The following DCDC1 variants were observed in gnomAD, a reference collection of about 807,000 sequenced individuals.
DCDC1 encodes the protein doublecortin domain containing 1.
A neutral mutation model predicts 178.3 loss-of-function variants in DCDC1; 200 were observed. That is an observed-to-expected ratio of 1.12 (90% CI 1.00 to 1.26). The LOEUF is 1.26. DCDC1 is among the 50% of genes most tolerant of loss of function. The probability of loss-of-function intolerance (pLI) is 0.00; values close to 1 mark genes in which losing one functional copy is unlikely to be tolerated. For missense variants in DCDC1, 1,983 were observed against 1,749.2 expected (o/e 1.13, Z -2.38); for synonymous variants, 690 against 604.8 (o/e 1.14, Z -2.07).
At chr11:31,182,927 C>CAA (rs570109597) in intron 9 of DCDC1, among the ~76,000 whole-genome samples, 232 of 149,268 alleles carry the variant, frequency 1.6e-3, no homozygotes, top group African/African-American at 5.4e-3. Flanking sequence ...AAATGGAAAG[C>CAA]AAAAAAAAAG....
chr11:30,939,347 G>A (rs1309762603), intron 21 of DCDC1, among the ~76,000 whole-genome samples: 1 of 152,140 alleles, frequency 6.6e-6, no homozygotes, highest in Non-Finnish European at 1.5e-5. Context: ...CAGAGATCCT[G>A]GATGGACCAC....
At chr11:30,985,751 TC>T (rs1273360166) in intron 20 of DCDC1, among the ~76,000 whole-genome samples, 1 of 152,148 alleles carries the variant, frequency 6.6e-6, no homozygotes, top group Non-Finnish European at 1.5e-5. Context: ...ATCATCTGAT[TC>T]CAAAGTCCAC....
At chr11:31,011,327 C>T (rs1952155314) in intron 20 of DCDC1, among the ~76,000 whole-genome samples, 1 of 152,054 alleles carries the variant, frequency 6.6e-6, no homozygotes, top group Admixed American at 6.6e-5. Flanking sequence ...TTTTTAAAAA[C>T]CTGTTTAACA....
chr11:31,117,067 A>G (rs1048898440), intron 11 of DCDC1, among the ~76,000 whole-genome samples: 2 of 152,122 alleles, frequency 1.3e-5, no homozygotes, highest in Non-Finnish European at 2.9e-5. Context: ...CCAACTTGCC[A>G]ATACTTGAAA....
intron 23 of DCDC1, 112 bp downstream of exon 23, chr11:30,925,197 G>T: frequency 1.1e-6 from 1 of 927,606 alleles, no homozygotes. Flanking sequence ...ATAATTCTGA[G>T]AGAAAATAAG....
intron 9 of DCDC1, among the ~76,000 whole-genome samples, chr11:31,174,688 C>G (rs1967754702): frequency 6.6e-6 from 1 of 152,130 alleles, no homozygotes; most frequent in Admixed American, 6.6e-5. Flanking sequence ...GTACTTCCTC[C>G]CCTCTGAAGC....
intron 9 of DCDC1, among the ~76,000 whole-genome samples, chr11:31,239,919 T>C (rs956637243): frequency 3.3e-5 from 5 of 152,038 alleles, no homozygotes; most frequent in Admixed American, 2.6e-4. Context: ...TCTTTAAATT[T>C]TACATGTTTA....
chr11:31,076,489 C>T (rs1956872011), intron 18 of DCDC1, among the ~76,000 whole-genome samples: 1 of 152,104 alleles, frequency 6.6e-6, no homozygotes, highest in East Asian at 1.9e-4. Context: ...GCTGGGATCA[C>T]AGGCATGCAC....
At chr11:31,351,106 G>A (rs1951050142) in intron 1 of DCDC1, among the ~76,000 whole-genome samples, 1 of 151,860 alleles carries the variant, frequency 6.6e-6, no homozygotes, top group Admixed American at 6.6e-5. Flanking sequence ...TCACTATTCT[G>A]ATTTTTTATA....
chr11:31,022,705 T>C (rs1335697374), intron 20 of DCDC1, among the ~76,000 whole-genome samples: 2 of 150,818 alleles, frequency 1.3e-5, no homozygotes, highest in Non-Finnish European at 3.0e-5. Flanking sequence ...TTTATCTATC[T>C]ATATGTCTAT....
At chr11:30,870,329 C>G (rs1480226200) in intron 38 of DCDC1, among the ~76,000 whole-genome samples, 5 of 152,044 alleles carry the variant, frequency 3.3e-5, no homozygotes, top group African/African-American at 1.2e-4. Context: ...TGGGTGTTAT[C>G]TAATGGATAA....
At chr11:31,252,380 AC>A (rs1479925596) in intron 8 of DCDC1, among the ~76,000 whole-genome samples, 1 of 152,202 alleles carries the variant, frequency 6.6e-6, no homozygotes, top group Non-Finnish European at 1.5e-5. Context: ...AATAACTAGC[AC>A]TACAAATACA....
chr11:30,888,202 AAGAG>A (rs1219586242), intron 36 of DCDC1, among the ~76,000 whole-genome samples: 3 of 151,496 alleles, frequency 2.0e-5, no homozygotes, highest in South Asian at 4.2e-4. Flanking sequence ...GAGAGAAAGA[AAGAG>A]AAACAAGATT....
chr11:31,229,399 A>T (rs762160998), intron 9 of DCDC1, among the ~76,000 whole-genome samples: 2 of 152,190 alleles, frequency 1.3e-5, no homozygotes, highest in Non-Finnish European at 2.9e-5. Flanking sequence ...AGGATAATAC[A>T]TAATATATAT....
Position 31,343,009 on chromosome 11 carries a change from T to C in DCDC1, c.-124-7445A>G, listed in dbSNP as rs555810503. Among the ~76,000 whole-genome samples the C allele has an allele frequency of 4.6e-5, 7 of 152,278 alleles. No homozygotes were observed. In the South Asian group the frequency reaches 1.5e-3, roughly 32 times the overall value. Reference sequence around the variant, plus strand: ...AGCTGGATGCAGTGACTCATGCTTATAATCCCAGTATTTTCAGAGGCCAAG... The same window carrying C: ...AGCTGGATGCAGTGACTCATGCTTACAATCCCAGTATTTTCAGAGGCCAAG... On this transcript the variant is annotated intron_variant, in intron 1 of 38. Transcript: ENST00000684477.
chr11:30,982,905 A>G (rs1950463458), intron 20 of DCDC1, among the ~76,000 whole-genome samples: 1 of 152,074 alleles, frequency 6.6e-6, no homozygotes, highest in Non-Finnish European at 1.5e-5. Flanking sequence ...AATTTTATCA[A>G]TTTACATTTT....
In DCDC1 at chr11:31,064,406, T is replaced by C; in HGVS notation, c.2591+63A>G. On this transcript the variant is annotated intron_variant, in intron 20 of 38. Transcript: ENST00000684477. ...TTATCTTCAAGAAATCAATCTTACA[T>C]GAAACTGAAGGAAAATATCGAATGT... The C allele has an allele frequency of 4.5e-6, 3 of 673,782 alleles. No individual in the cohort carries two copies. In the South Asian group the frequency reaches 5.2e-5, roughly 12 times the overall value. The allele number at this position is 673,782 out of a possible 1,614,324, so 41.7% of individuals were successfully genotyped here.
At position 31,290,658 on chromosome 11, in the gene DCDC1, T is replaced by C. The variant is rs201039841; in HGVS notation, c.949A>G (p.Thr317Ala). The change falls in exon 7 of 39, where the codon ACA (threonine) becomes GCA (alanine). Residue 317 changes from threonine to alanine, a missense_variant. Thr to Ala is a moderately conservative substitution (Grantham distance 58). Coordinates refer to ENST00000684477, the MANE Select transcript of DCDC1 (RefSeq NM_001387274.1). ...DGHEITVGKE[T>A]MKKVLDTCTI... Reference sequence around the variant, plus strand: ...TAATTAAAAATTACCTTTTTCATTGTTTCTTTTCCCACTGTAATCTCATGC... The same window carrying C: ...TAATTAAAAATTACCTTTTTCATTGCTTCTTTTCCCACTGTAATCTCATGC... 2.0e-5 allele frequency: 32 copies of C among 1,603,198 alleles called. No homozygotes were observed. In the Admixed American group the frequency reaches 2.3e-4, roughly 11 times the overall value.
intron 2 of DCDC1, among the ~76,000 whole-genome samples, chr11:31,332,580 C>T (rs1333216567): frequency 6.6e-6 from 1 of 152,116 alleles, no homozygotes. Context: ...TACATTGTGT[C>T]TTTGTTCTCA....
Sources: allele counts gnomAD v4.1 joint callset (sites outside exome capture counted in the v4.1 genomes callset), GRCh38; gene constraint gnomAD v4.1.1; transcripts MANE v1.5; gene names NCBI Gene and HGNC (gene_info 2026-07-23, HGNC 2026-07-21).